Variants in ZFR2 observed in about 807,000 individuals in gnomAD.
ZFR2 encodes the protein zinc finger RNA binding protein 2.
Under a neutral mutation model 105.7 loss-of-function variants are expected in ZFR2, and 104 were observed. That is an observed-to-expected ratio of 0.98 (90% CI 0.84 to 1.16). The LOEUF (loss-of-function observed/expected upper bound fraction) is 1.16. Among genes scored for constraint, ZFR2 ranks in the 50% most tolerant of loss-of-function variants. The pLI is 0.00. For synonymous variants in ZFR2, 634 were observed against 597.7 expected, an observed-to-expected ratio of 1.06 and a Z score of -0.89; for missense variants, 1,425 against 1,355.5, an observed-to-expected ratio of 1.05 and a Z score of -0.80.
intron 9 of ZFR2, among the ~76,000 whole-genome samples, chr19:3,821,870 A>C (rs910836799): frequency 1.3e-5 from 2 of 152,018 alleles, no homozygotes; most frequent in South Asian, 2.1e-4. Context: ...TGGCCTCCCA[A>C]AGTGCTGGGA....
At chr19:3,821,223 C>T (rs1308406671) in intron 10 of ZFR2, 117 bp downstream of exon 10, 2 of 1,347,630 alleles carry the variant, frequency 1.5e-6, no homozygotes, top group Non-Finnish European at 9.7e-7. Context: ...CGTCTCCCCC[C>T]ACTGCTCGAG....
In ZFR2 at chr19:3,834,133, T is replaced by A. The variant is rs2038050855; in HGVS notation, c.265-355A>T. ...AGGGGAGGAAGAGGGTGGGGTCAGG[T>A]GGGTGCTGAGCTTGAGTGACAGGGT... is the stretch of plus-strand genomic sequence containing the variant. On this transcript the variant is annotated intron_variant, in intron 2 of 18. Coordinates refer to ENST00000262961, the MANE Select transcript of ZFR2 (RefSeq NM_015174.2). This position sits in a 1 kb window ranked among gnomAD's most constrained non-coding sequence, Gnocchi z 5.3. Among the ~76,000 whole-genome samples the A allele has an allele frequency of 6.6e-6, 1 of 151,834 alleles. No homozygotes were observed. Among genetic ancestry groups the A allele is most frequent in the African/African-American group, 2.4e-5 (1 of 41,314 alleles).
At chr19:3,812,291 G>T (rs1447562510) in intron 14 of ZFR2, among the ~76,000 whole-genome samples, 4 of 152,042 alleles carry the variant, frequency 2.6e-5, no homozygotes, top group Non-Finnish European at 5.9e-5. Flanking sequence ...CCTTGCCCAG[G>T]CTGGTCTCGA....
chr19:3,820,262 C>T lies in ZFR2; in HGVS notation c.1660G>A (p.Val554Met), dbSNP rs368124110. The change falls in exon 11 of 19, where the codon GTG becomes ATG. Residue 554 changes from valine (V) to methionine (M), a missense_variant. Val to Met is a conservative substitution (Grantham distance 21). Transcript: ENST00000262961. The part of the protein sequence containing the change: ...RRLEEEPPQD[V>M]PPHAPPDWAQ... ...CAGTCGGGCGGCGCGTGGGGCGGCA[C>T]GTCCTGGGGTGGCTCCTCCTCCAGC... 2.6e-6 allele frequency: 4 copies of T among 1,546,924 alleles called. No homozygotes were observed. The highest frequency in any genetic ancestry group is 2.4e-5 in the East Asian group (1 of 40,842).
chr19:3,851,417 A>C (rs1395485651), intron 1 of ZFR2, among the ~76,000 whole-genome samples: 1 of 152,154 alleles, frequency 6.6e-6, no homozygotes, highest in Non-Finnish European at 1.5e-5. Flanking sequence ...GCCTCATCTC[A>C]AGTCATTGCT....
At position 3,805,452 on chromosome 19, in the gene ZFR2, C is replaced by CAA. The variant is rs1360921413; in HGVS notation, c.*495_*496dup. ...TCACAGCTCACTGCCCTCCTGGCCT[C>CAA]AAGGCTCCGGACTCAGCCTCCCAAG... On this transcript the variant is annotated 3_prime_UTR_variant, in exon 19 of 19. Transcript: ENST00000262961. 1.3e-5 allele frequency: 2 copies of CAA among 153,398 alleles called. No homozygotes were observed. The highest frequency in any genetic ancestry group is 4.8e-5 in the African/African-American group (2 of 41,544). The allele number at this position is 153,398 out of a possible 1,614,324, so 9.5% of individuals were successfully genotyped here.
At position 3,836,839 on chromosome 19, in the gene ZFR2, C is replaced by T. The variant is rs561588449; in HGVS notation, c.54-1856G>A. On this transcript the variant is annotated intron_variant, in intron 1 of 18. Transcript: ENST00000262961. ...CCTTGTTCAGCTAAATATCAGCTAC[C>T]CAGTAGACAGTTCTGGAGTCTAAAA... 5.9e-5 allele frequency among the ~76,000 whole-genome samples: 9 copies of T among 152,238 alleles called. No homozygotes were observed. The South Asian group carries it at 1.2e-3, about 21-fold the overall frequency.
chr19:3,865,631 G>A (rs763054893), intron 1 of ZFR2, among the ~76,000 whole-genome samples: 6 of 151,904 alleles, frequency 3.9e-5, no homozygotes, highest in Non-Finnish European at 7.4e-5. Flanking sequence ...GTGCTGGAGC[G>A]ACAGGCATGA....
In ZFR2 at chr19:3,833,630, C is replaced by T. The variant is rs1258791490; in HGVS notation, c.379+34G>A. 2.0e-6 allele frequency: 3 copies of T among 1,502,008 alleles called. No individual in the cohort carries two copies. In the Admixed American group the frequency reaches 6.0e-5, roughly 30 times the overall value. 93.0% of individuals were successfully genotyped at this position (1,502,008 alleles called of 1,614,324 possible). On this transcript the variant is annotated intron_variant, in intron 3 of 18. Coordinates refer to ENST00000262961, the MANE Select transcript of ZFR2 (RefSeq NM_015174.2). ...TTCCCTGTGCTGCGGGGAGCGTCTC[C>T]TCGTTCCCAGCCCCGACCCTGCAGA...
chr19:3,810,917 G>A (rs550429842), intron 15 of ZFR2, 72 bp from the exon 16 acceptor site: 39 of 1,495,972 alleles, frequency 2.6e-5, no homozygotes, highest in Non-Finnish European at 3.3e-5. Context: ...GGGCTCTGTC[G>A]TGAGCGTGAA....
chr19:3,825,396 C>A lies in ZFR2; in HGVS notation c.1047G>T (p.Leu349=), dbSNP rs763513211. Residue 349 remains leucine (L), a synonymous_variant, in exon 7 of 19, where the codon CTG becomes CTT. Transcript: ENST00000262961. ...GAATGGGCTTCCCCAGTTTGGCGTG[C>A]AGCTTGAAGACCTGCAACAGACAGA... The part of the protein sequence containing the change: ...RGSKHQKVFK[L]HAKLGKPIPT... The A allele has an allele frequency of 2.6e-5, 41 of 1,580,492 alleles. No homozygotes were observed. Among genetic ancestry groups the A allele is most frequent in the Non-Finnish European group, 3.3e-5 (39 of 1,165,746 alleles).
chr19:3,827,316 G>A (rs539594490), intron 6 of ZFR2, among the ~76,000 whole-genome samples, 155 bp downstream of exon 6: 2 of 152,222 alleles, frequency 1.3e-5, no homozygotes, highest in African/African-American at 4.8e-5. Flanking sequence ...AGATGAGGAC[G>A]CATGGGCCTG....
chr19:3,811,112 G>A (rs1200034553), intron 15 of ZFR2, among the ~76,000 whole-genome samples, 160 bp downstream of exon 15: 2 of 152,230 alleles, frequency 1.3e-5, no homozygotes, highest in Admixed American at 6.5e-5. Context: ...GCCAGCGTTG[G>A]TTGTCAAGTC....
At chr19:3,807,673 C>T (rs56334029) in intron 17 of ZFR2, among the ~76,000 whole-genome samples, 15,013 of 140,240 alleles carry the variant, frequency 0.11, 1,184 homozygotes, top group Admixed American at 0.28. Context: ...GCACCCATGT[C>T]GGTGTGTGCT....
At chr19:3,830,893 A>G (rs1206059308) in intron 5 of ZFR2, among the ~76,000 whole-genome samples, 1 of 152,046 alleles carries the variant, frequency 6.6e-6, no homozygotes, top group Non-Finnish European at 1.5e-5. Context: ...ACAAGCACGC[A>G]TGCACACACA....
chr19:3,808,927 G>C lies in ZFR2; in HGVS notation c.2490C>G (p.Pro830=), dbSNP rs747888685. 12 of 1,571,026 alleles carry C rather than the reference G, an allele frequency of 7.6e-6. 1 individual carries two copies. In the South Asian group the frequency reaches 1.2e-4, roughly 15 times the overall value. The change falls in exon 17 of 19, where the codon CCC becomes CCG. Residue 830 remains proline, a synonymous_variant. Transcript: ENST00000262961. ...CCAGGACTCGCCTGACTGCATCCCCGGGGCCCAGGGGCCCAGCCGCACTGC... is the reference window on the plus strand; with the variant it reads ...CCAGGACTCGCCTGACTGCATCCCCCGGGCCCAGGGGCCCAGCCGCACTGC... The part of the protein sequence containing the change: ...AVSSAAGPLG[P]GDAVRRVLEC...
chr19:3,842,503 T>G (rs2038142673), intron 1 of ZFR2, among the ~76,000 whole-genome samples: 2 of 152,262 alleles, frequency 1.3e-5, no homozygotes, highest in Admixed American at 1.3e-4. Context: ...ACAGCTTTAT[T>G]GAGATATAAT....
rs1455367867 is a variant in ZFR2, at chr19:3,820,830, C to T, written c.1631+510G>A. On this transcript the variant is annotated intron_variant, in intron 10 of 18. Transcript: ENST00000262961. ...AGGGGTCACATGGCACACTAGAGGTCGGGGGACACAGGGACACCGGGGGTC... is the reference window on the plus strand; with the variant it reads ...AGGGGTCACATGGCACACTAGAGGTTGGGGGACACAGGGACACCGGGGGTC... Among the ~76,000 whole-genome samples, 4 of 62,038 alleles carry T rather than the reference C, an allele frequency of 6.4e-5. 1 individual carries two copies. Among genetic ancestry groups the T allele is most frequent in the African/African-American group, 2.3e-4 (4 of 17,028 alleles). The allele number at this position is 62,038 out of a possible 152,430, so 40.7% of individuals were successfully genotyped here. A position where few individuals can be genotyped will look rare whatever the true frequency, so the allele number is the denominator to read the frequency against.
chr19:3,805,642 C>T lies in ZFR2; in HGVS notation c.*307G>A, dbSNP rs2037687404. The T allele has an allele frequency of 2.7e-5, 8 of 298,652 alleles. No homozygotes were observed. Among genetic ancestry groups the T allele is most frequent in the Non-Finnish European group, 4.3e-5 (7 of 161,910 alleles). The allele number at this position is 298,652 out of a possible 1,614,324, so 18.5% of individuals were successfully genotyped here. ...CTGGGATTACAGGCGTGAATCACCG[C>T]GCCTGGCCACCAACCATGCCAAGCT... On this transcript the variant is annotated 3_prime_UTR_variant, in exon 19 of 19. Transcript: ENST00000262961.
Sources: allele counts gnomAD v4.1 joint callset (sites outside exome capture counted in the v4.1 genomes callset), GRCh38; gene constraint gnomAD v4.1.1; non-coding constraint Gnocchi (gnomAD v3.1); transcripts MANE v1.5; gene names NCBI Gene and HGNC (gene_info 2026-07-23, HGNC 2026-07-21).